VAT1L: variants seen among roughly 807,000 people sequenced by gnomAD.
VAT1L encodes putative NADPH-dependent quinone oxidoreductase VAT1L.
A neutral mutation model predicts 44.1 loss-of-function variants in VAT1L; 34 were observed. The ratio of observed to expected loss-of-function variants is 0.77; its 90% CI spans 0.59 to 1.03. The LOEUF is 1.03. Among genes scored for constraint, VAT1L ranks in the 50% least tolerant of loss-of-function variants. VAT1L has a pLI of 0.00. For missense variants in VAT1L, 615 were observed against 538.8 expected, an observed-to-expected ratio of 1.14 and a Z score of -1.40; for synonymous variants, 253 against 202.2, an observed-to-expected ratio of 1.25 and a Z score of -2.13.
At chr16:77,816,831 G>GGAAAA in intron 1 of VAT1L, 90 bp from the exon 2 acceptor site, 1 of 1,446,990 alleles carries the variant, frequency 6.9e-7, no homozygotes, top group Non-Finnish European at 9.2e-7. Flanking sequence ...GAGGAAAGGA[G>GGAAAA]GAAAAGAAAA....
At chr16:77,814,851 G>C (rs1161437680) in intron 1 of VAT1L, among the ~76,000 whole-genome samples, 4 of 151,942 alleles carry the variant, frequency 2.6e-5, no homozygotes, top group Non-Finnish European at 5.9e-5. Flanking sequence ...CTTTTTTTAC[G>C]AGTGCCTTCC....
chr16:77,920,305 T>C (rs2017597995), intron 7 of VAT1L, among the ~76,000 whole-genome samples: 1 of 152,026 alleles, frequency 6.6e-6, no homozygotes, highest in Non-Finnish European at 1.5e-5. Flanking sequence ...GTTCAAAAGG[T>C]GGAGGAAACT....
At chr16:77,962,823 G>C (rs1345942762) in intron 7 of VAT1L, among the ~76,000 whole-genome samples, 2 of 151,900 alleles carry the variant, frequency 1.3e-5, no homozygotes, top group Non-Finnish European at 2.9e-5. Context: ...GCTCATGCCT[G>C]CAGTCTCAGC....
intron 4 of VAT1L, among the ~76,000 whole-genome samples, chr16:77,875,169 T>C (rs536811883): frequency 6.7e-4 from 102 of 152,192 alleles, no homozygotes; most frequent in Non-Finnish European, 1.3e-3. Context: ...TCATTTTGGA[T>C]GAGCCTTGGT....
At chr16:77,971,418 A>G (rs146074877) in intron 7 of VAT1L, among the ~76,000 whole-genome samples, 1 of 152,306 alleles carries the variant, frequency 6.6e-6, no homozygotes, top group African/African-American at 2.4e-5. Context: ...GCCTTGAGTA[A>G]TGGGTCAATT....
chr16:77,910,201 C>T (rs2017483578), intron 7 of VAT1L, among the ~76,000 whole-genome samples: 1 of 152,176 alleles, frequency 6.6e-6, no homozygotes, highest in Admixed American at 6.5e-5. Context: ...GCATGGATAG[C>T]ATGTCTGCTT....
At chr16:77,805,477 A>T (rs973088236) in intron 1 of VAT1L, among the ~76,000 whole-genome samples, 6 of 152,196 alleles carry the variant, frequency 3.9e-5, no homozygotes, top group Non-Finnish European at 8.8e-5. Flanking sequence ...TTGACCCCGC[A>T]TGGATTGGGA....
chr16:77,944,314 G>T (rs1228751569), intron 7 of VAT1L, among the ~76,000 whole-genome samples: 1 of 152,032 alleles, frequency 6.6e-6, no homozygotes, highest in Non-Finnish European at 1.5e-5. Context: ...AATTCCTTAG[G>T]CTACCATCCT....
At chr16:77,896,555 C>G (rs539032179) in intron 7 of VAT1L, among the ~76,000 whole-genome samples, 57 of 152,304 alleles carry the variant, frequency 3.7e-4, no homozygotes, top group Admixed American at 3.7e-3. Flanking sequence ...TGCATTTCCC[C>G]CAGAGAGTGG....
chr16:77,927,808 A>G (rs379316), intron 7 of VAT1L, among the ~76,000 whole-genome samples: 149,664 of 152,190 alleles, frequency 0.98, 73,629 homozygotes, highest in South Asian at 1. Context: ...GGTGGAGGTT[A>G]CAGTGAGCCG....
intron 7 of VAT1L, among the ~76,000 whole-genome samples, chr16:77,957,486 G>A (rs1348444562): frequency 6.6e-6 from 1 of 152,006 alleles, no homozygotes; most frequent in East Asian, 1.9e-4. Context: ...CAGCACTTTG[G>A]GCAGCCAAGG....
chr16:77,943,275 T>G (rs1567516740), intron 7 of VAT1L, among the ~76,000 whole-genome samples: 1 of 151,552 alleles, frequency 6.6e-6, no homozygotes, highest in Non-Finnish European at 1.5e-5. Context: ...CAGGCTGGTC[T>G]CAAGCTCCTG....
intron 7 of VAT1L, among the ~76,000 whole-genome samples, chr16:77,968,689 C>A (rs2018248820): frequency 6.7e-6 from 1 of 148,476 alleles, no homozygotes; most frequent in Non-Finnish European, 1.5e-5. Context: ...CACGCCACTG[C>A]ACTCCAGCGT....
At chr16:77,975,465 G>T (rs2018328908) in intron 8 of VAT1L, among the ~76,000 whole-genome samples, 1 of 152,006 alleles carries the variant, frequency 6.6e-6, no homozygotes, top group Non-Finnish European at 1.5e-5. Flanking sequence ...GCCCGCCTTG[G>T]CCTCCCAATG....
chr16:77,895,099 C>CG (rs1414990875), intron 7 of VAT1L, among the ~76,000 whole-genome samples: 1 of 89,862 alleles, frequency 1.1e-5, no homozygotes, highest in African/African-American at 3.0e-5. Flanking sequence ...CAGCCACTTG[C>CG]CCACACACAC....
chr16:77,892,243 C>G (rs530270426), intron 7 of VAT1L, among the ~76,000 whole-genome samples: 1 of 152,252 alleles, frequency 6.6e-6, no homozygotes, highest in South Asian at 2.1e-4. Flanking sequence ...ATACTGCACC[C>G]CAAACTAGGA....
In VAT1L at chr16:77,949,169, C is replaced by T. The variant is rs531499764; in HGVS notation, c.1078-22681C>T. Among the ~76,000 whole-genome samples the T allele has an allele frequency of 4.6e-5, 7 of 152,152 alleles. No individual in the cohort carries two copies. The East Asian group carries it at 7.7e-4, about 17-fold the overall frequency. The stretch of plus-strand genomic sequence containing the variant: ...ATACTGTAGGGAGATGATGAGACCT[C>T]GAATGATGCAGTGACAGAGTGGAGA... On this transcript the variant is annotated intron_variant, in intron 7 of 8. Transcript: ENST00000302536.
At chr16:77,790,023 T>C (rs923101263) in intron 1 of VAT1L, among the ~76,000 whole-genome samples, 1 of 152,114 alleles carries the variant, frequency 6.6e-6, no homozygotes, top group Non-Finnish European at 1.5e-5. Flanking sequence ...TACATACTGC[T>C]CTCCAAAGCA....
At chr16:77,801,064 G>C (rs752101077) in intron 1 of VAT1L, 1 of 152,148 alleles carries the variant, frequency 6.6e-6, no homozygotes, top group African/African-American at 2.4e-5. Context: ...CCTGACCTCA[G>C]CTGATCTGCC....
Sources: allele counts gnomAD v4.1 joint callset (sites outside exome capture counted in the v4.1 genomes callset), GRCh38; gene constraint gnomAD v4.1.1; transcripts MANE v1.5; gene names NCBI Gene and HGNC (gene_info 2026-07-23, HGNC 2026-07-21).